MED24: variants seen among roughly 807,000 people sequenced by gnomAD.
MED24 encodes the protein mediator complex subunit 24.
A neutral mutation model predicts 118.8 loss-of-function variants in MED24; 74 were observed. The ratio of observed to expected loss-of-function variants is 0.62; its 90% CI spans 0.52 to 0.76. The LOEUF (loss-of-function observed/expected upper bound fraction) is 0.76, where lower values mean the gene tolerates loss of function less well. Ranked by LOEUF, MED24 falls within the 30% of genes least tolerant of loss-of-function variation. The pLI is 0.00. For missense variants in MED24, 1,041 were observed against 1,278.9 expected, an observed-to-expected ratio of 0.81 and a Z score of 2.84; for synonymous variants, 521 against 523.9, an observed-to-expected ratio of 0.99 and a Z score of 0.08.
chr17:40,044,987 G>T (rs1224087368), intron 3 of MED24, among the ~76,000 whole-genome samples: 2 of 152,116 alleles, frequency 1.3e-5, no homozygotes, highest in South Asian at 2.1e-4. Flanking sequence ...GGGGAAATTT[G>T]CAGGATCTAC....
chr17:40,037,214 G>GGGAAGGAAGGAA (rs772575089), intron 3 of MED24, among the ~76,000 whole-genome samples: 1 of 142,728 alleles, frequency 7.0e-6, no homozygotes, highest in Non-Finnish European at 1.5e-5. Flanking sequence ...GAGAGAAAGA[G>GGGAAGGAAGGAA]GGAAGGAAGG....
rs1568167864 is a variant in MED24 at position 40,036,305 on chromosome 17, T to A, written c.214-151A>T. Reference sequence around the variant, plus strand: ...CCCAAGCAAGGAGAGGCAGTGTCACTGTGCACTGCCCTGTTCCTGCCTCTG... The same window carrying A: ...CCCAAGCAAGGAGAGGCAGTGTCACAGTGCACTGCCCTGTTCCTGCCTCTG... On this transcript the variant is annotated intron_variant, in intron 3 of 25. Coordinates refer to ENST00000394128, the MANE Select transcript of MED24 (RefSeq NM_014815.4). 5 of 709,936 alleles carry A rather than the reference T, an allele frequency of 7.0e-6. No individual in the cohort carries two copies. In the African/African-American group the frequency reaches 8.7e-5, roughly 12 times the overall value. 44.0% of individuals were successfully genotyped at this position (709,936 alleles called of 1,614,324 possible).
At chr17:40,040,624 C>A (rs1598359593) in intron 3 of MED24, among the ~76,000 whole-genome samples, 1 of 142,210 alleles carries the variant, frequency 7.0e-6, no homozygotes, top group South Asian at 2.2e-4. Context: ...ATTTTATTTT[C>A]TTTTTTTTTT....
In MED24 at chr17:40,029,905, G is replaced by C. The variant is rs8073278; in HGVS notation, c.1155-46C>G. The C allele has an allele frequency of 1.1e-3, 1,772 of 1,563,652 alleles. 14 individuals carry two copies. In the African/African-American group the frequency reaches 0.021, roughly 18 times the overall value. Reference sequence around the variant, plus strand: ...CCAAGGAAGGGAAGAGGAATGAAGAGAAATTCTTGACACGTTCCCTCGTTC... The same window carrying C: ...CCAAGGAAGGGAAGAGGAATGAAGACAAATTCTTGACACGTTCCCTCGTTC... On this transcript the variant is annotated intron_variant, in intron 12 of 25. Coordinates refer to ENST00000394128, the MANE Select transcript of MED24 (RefSeq NM_014815.4).
intron 3 of MED24, among the ~76,000 whole-genome samples, chr17:40,048,292 G>A (rs1210367670): frequency 6.6e-6 from 1 of 152,290 alleles, no homozygotes; most frequent in Middle Eastern, 3.4e-3. Flanking sequence ...CTTTCAGGGG[G>A]TCTAGGAAGT....
chr17:40,019,967 G>T, intron 24 of MED24, 34 bp from the exon 25 acceptor site: 1 of 1,553,026 alleles, frequency 6.4e-7, no homozygotes, highest in Non-Finnish European at 8.7e-7. Flanking sequence ...ACAGGAGGGA[G>T]TTCCATGAGA....
intron 19 of MED24, 52 bp downstream of exon 19, chr17:40,026,104 G>C (rs1982615990): frequency 1.3e-6 from 2 of 1,557,886 alleles, no homozygotes; most frequent in South Asian, 2.3e-5. Context: ...TGGATGTGCT[G>C]ACTTCTCACA....
intron 14 of MED24, 97 bp from the exon 15 acceptor site, chr17:40,028,043 C>G: frequency 1.6e-6 from 2 of 1,229,982 alleles, no homozygotes; most frequent in Non-Finnish European, 2.4e-6. Flanking sequence ...TAGCTAGAGT[C>G]TGAGTTACTG....
intron 3 of MED24, among the ~76,000 whole-genome samples, chr17:40,043,042 C>T (rs573730243): frequency 5.3e-5 from 8 of 152,318 alleles, no homozygotes; most frequent in South Asian, 2.1e-4. Flanking sequence ...AGTGCGCCTC[C>T]GCGGTTCAAA....
intron 9 of MED24, 112 bp downstream of exon 9, chr17:40,032,537 C>T (rs1295530974): frequency 8.0e-6 from 6 of 751,298 alleles, no homozygotes; most frequent in Non-Finnish European, 1.1e-5. Context: ...GAATACCTGG[C>T]AGGCTGGGCC....
chr17:40,024,441 G>A (rs1167281202), intron 19 of MED24, among the ~76,000 whole-genome samples: 1 of 152,184 alleles, frequency 6.6e-6, no homozygotes, highest in African/African-American at 2.4e-5. Flanking sequence ...GGCTGAGGCA[G>A]GAGAATCTCT....
At chr17:40,020,191 C>T (rs1981792125) in intron 24 of MED24, 82 bp downstream of exon 24, 3 of 1,348,902 alleles carry the variant, frequency 2.2e-6, no homozygotes, top group East Asian at 2.5e-5. Context: ...CCCCTTCCAG[C>T]TGACAAGGTC....
rs1983521977 is a variant in MED24 at position 40,032,639 on chromosome 17, T to C, written c.936+10A>G. 6.2e-7 allele frequency: 1 copy of C among 1,604,862 alleles called. No homozygotes were observed. ...CTAGACTGGCTCTGCCCCTCCCACG[T>C]CCCCAGTACCTTGAGGAAAGTGAAA... On this transcript the variant is annotated intron_variant, in intron 9 of 25. Coordinates refer to ENST00000394128, the MANE Select transcript of MED24 (RefSeq NM_014815.4).
chr17:40,019,203 C>CACAGACAT lies in MED24; in HGVS notation c.*325_*326insATGTCTGT. 1 of 301,824 alleles carries CACAGACAT rather than the reference C, an allele frequency of 3.3e-6. No individual in the cohort carries two copies. Among genetic ancestry groups the CACAGACAT allele is most frequent in the Non-Finnish European group, 6.3e-6 (1 of 158,832 alleles). 18.7% of individuals were successfully genotyped at this position (301,824 alleles called of 1,614,324 possible). A position where few individuals can be genotyped will look rare whatever the true frequency, so the allele number is the denominator to read the frequency against. ...ACACACACACACACACACACACACA[C>CACAGACAT]ATACACACTTTGCATCTAGAAAGTT... On this transcript the variant is annotated 3_prime_UTR_variant, in exon 26 of 26. Coordinates refer to ENST00000394128, the MANE Select transcript of MED24 (RefSeq NM_014815.4).
chr17:40,023,779 C>T (rs534340818), intron 19 of MED24: 220 of 182,640 alleles, frequency 1.2e-3, no homozygotes, highest in South Asian at 5.4e-3. Flanking sequence ...GGGTCCCCGC[C>T]CAGCCCTGGC....
Position 40,048,021 on chromosome 17 carries a change from C to T in MED24, c.213+5277G>A, listed in dbSNP as rs184246487. On this transcript the variant is annotated intron_variant, in intron 3 of 25. Transcript: ENST00000394128. Reference sequence around the variant, plus strand: ...CTGGGATTACAGGATTGAGCCACTGCGCCCAGCGCAAGATCTTTGTATGTT... The same window carrying T: ...CTGGGATTACAGGATTGAGCCACTGTGCCCAGCGCAAGATCTTTGTATGTT... Among the ~76,000 whole-genome samples the T allele has an allele frequency of 9.1e-3, 1,390 of 152,360 alleles. 17 individuals are homozygous for T. The highest frequency in any genetic ancestry group is 0.032 in the African/African-American group (1,329 of 41,584).
chr17:40,019,506 C>A lies in MED24; in HGVS notation c.*23G>T. ...CTGGGGCTGCGCCAGTCCCCAGCCC[C>A]CACTGCGGCCATGCCAAGCCCCTCA... On this transcript the variant is annotated 3_prime_UTR_variant, in exon 26 of 26. Coordinates refer to ENST00000394128, the MANE Select transcript of MED24 (RefSeq NM_014815.4). 6.2e-7 allele frequency: 1 copy of A among 1,600,368 alleles called. No individual in the cohort carries two copies. Among genetic ancestry groups the A allele is most frequent in the Non-Finnish European group, 8.5e-7 (1 of 1,170,376 alleles).
chr17:40,039,358 C>A (rs910302982), intron 3 of MED24, among the ~76,000 whole-genome samples: 1 of 152,210 alleles, frequency 6.6e-6, no homozygotes, highest in African/African-American at 2.4e-5. Flanking sequence ...GCAGGAGACC[C>A]TCTGTGTGGC....
At chr17:40,020,001 G>A (rs1568151762) in intron 24 of MED24, 68 bp from the exon 25 acceptor site, 3 of 1,518,780 alleles carry the variant, frequency 2.0e-6, no homozygotes, top group Non-Finnish European at 2.7e-6. Flanking sequence ...CACTCTGGGA[G>A]AAGGTGGGAC....
Sources: allele counts gnomAD v4.1 joint callset (sites outside exome capture counted in the v4.1 genomes callset), GRCh38; gene constraint gnomAD v4.1.1; transcripts MANE v1.5; gene names NCBI Gene and HGNC (gene_info 2026-07-23, HGNC 2026-07-21).